Variants in ARMC2 observed in about 807,000 individuals in gnomAD.
The protein encoded by ARMC2 is armadillo repeat-containing protein 2.
ARMC2 carries 67 observed loss-of-function variants against 90.3 expected under a neutral mutation model. The ratio of observed to expected loss-of-function variants is 0.74; its 90% CI spans 0.61 to 0.91. The LOEUF (loss-of-function observed/expected upper bound fraction) is 0.91, where lower values mean the gene tolerates loss of function less well. Ranked by LOEUF, ARMC2 falls within the 40% of genes least tolerant of loss-of-function variation. The pLI is 0.00. For missense variants in ARMC2, 920 were observed against 1,030.9 expected, an observed-to-expected ratio of 0.89 and a Z score of 1.47; for synonymous variants, 393 against 393.0, an observed-to-expected ratio of 1.00 and a Z score of 0.00.
intron 6 of ARMC2, 60 bp downstream of exon 6, chr6:108,894,603 A>G: frequency 6.9e-7 from 1 of 1,441,582 alleles, no homozygotes; most frequent in Non-Finnish European, 9.4e-7. Flanking sequence ...AGATGTTTGC[A>G]CTGAAGATAT....
chr6:108,973,468 A>G lies in ARMC2; in HGVS notation c.2558A>G (p.Gln853Arg). Residue 853 changes from glutamine to arginine, a missense_variant, in exon 18 of 18, where the codon CAG becomes CGG. By Grantham distance (43) the Gln-to-Arg change is conservative (BLOSUM62 1). Transcript: ENST00000392644. ...GCACAGCAGCTTCTAAACCGAATTC[A>G]GAGACATCACACCTTCCTGGAACCC... Reference protein sequence around the residue: ...PVAQQLLNRIQRHHTFLEPLP... With the variant: ...PVAQQLLNRIRRHHTFLEPLP... 7 of 1,613,854 alleles carry G rather than the reference A, an allele frequency of 4.3e-6. No individual in the cohort carries two copies. The highest frequency in any genetic ancestry group is 5.9e-6 in the Non-Finnish European group (7 of 1,179,770).
intron 11 of ARMC2, among the ~76,000 whole-genome samples, chr6:108,928,974 A>AT (rs539715839): frequency 8.0e-4 from 121 of 151,592 alleles, no homozygotes; most frequent in African/African-American, 2.8e-3. Flanking sequence ...TCCAAATCTG[A>AT]TTTTTTTTTA....
chr6:108,897,414 T>C (rs187616136), intron 6 of ARMC2, among the ~76,000 whole-genome samples: 2 of 152,194 alleles, frequency 1.3e-5, no homozygotes, highest in Non-Finnish European at 2.9e-5. Flanking sequence ...GATGGTGAAG[T>C]CTTGCATTGG....
chr6:108,882,000 TTAGATA>T (rs1419436470), intron 5 of ARMC2, among the ~76,000 whole-genome samples: 6 of 152,006 alleles, frequency 3.9e-5, no homozygotes, highest in African/African-American at 1.2e-4. Flanking sequence ...GGACTTGAGC[TTAGATA>T]TATAAGGAAC....
chr6:108,869,224 G>C (rs543212751), intron 4 of ARMC2, among the ~76,000 whole-genome samples: 1 of 152,244 alleles, frequency 6.6e-6, no homozygotes, highest in South Asian at 2.1e-4. Flanking sequence ...ATTAGGATAA[G>C]TGACTGGGCG....
At chr6:108,895,186 G>T (rs1771473505) in intron 6 of ARMC2, among the ~76,000 whole-genome samples, 1 of 151,340 alleles carries the variant, frequency 6.6e-6, no homozygotes, top group South Asian at 2.1e-4. Flanking sequence ...TGCTTGGCTG[G>T]GCATGGTGGC....
chr6:108,860,848 C>T lies in ARMC2; in HGVS notation c.291+2577C>T, dbSNP rs115697693. ...ATTCTCTGTAAAGAAGTATCTTCCA[C>T]GCTGTTTCCTGGATGTTAAAGTCTG... On this transcript the variant is annotated intron_variant, in intron 3 of 17. Coordinates refer to ENST00000392644, the MANE Select transcript of ARMC2 (RefSeq NM_032131.6). 4.1e-3 allele frequency among the ~76,000 whole-genome samples: 628 copies of T among 152,122 alleles called. 2 individuals are homozygous for T. Among genetic ancestry groups the T allele is most frequent in the African/African-American group, 0.014 (583 of 41,486 alleles).
intron 6 of ARMC2, 107 bp downstream of exon 6, chr6:108,894,650 A>C (rs1583037117): frequency 2.1e-6 from 2 of 945,134 alleles, no homozygotes; most frequent in Non-Finnish European, 3.1e-6. Flanking sequence ...AAGTTTGTCC[A>C]ATTTGGTCAC....
the ARMC2 span, among the ~76,000 whole-genome samples, chr6:109,035,865 C>T: frequency 1.3e-5 from 2 of 152,180 alleles, no homozygotes; most frequent in Non-Finnish European, 2.9e-5. Flanking sequence ...GCCTCAGCCT[C>T]CTGAAGTGCT....
intron 11 of ARMC2, among the ~76,000 whole-genome samples, chr6:108,930,425 T>C (rs1212182402): frequency 6.6e-6 from 1 of 152,068 alleles, no homozygotes; most frequent in African/African-American, 2.4e-5. Context: ...TACAAAATTG[T>C]GAGTGTTGAG....
chr6:108,869,567 A>G (rs1178810037), intron 4 of ARMC2, among the ~76,000 whole-genome samples: 1 of 152,258 alleles, frequency 6.6e-6, no homozygotes, highest in Non-Finnish European at 1.5e-5. Context: ...CATGTATATT[A>G]GAAATAAATG....
At chr6:108,935,859 G>GAAT (rs1479946297) in intron 11 of ARMC2, among the ~76,000 whole-genome samples, 6 of 151,354 alleles carry the variant, frequency 4.0e-5, no homozygotes, top group Non-Finnish European at 7.4e-5. Context: ...CAAAAAAAAG[G>GAAT]TTTTTTTAAA....
intron 12 of ARMC2, among the ~76,000 whole-genome samples, chr6:108,940,144 T>G (rs942136452): frequency 5.3e-5 from 8 of 152,192 alleles, no homozygotes; most frequent in Non-Finnish European, 1.0e-4. Context: ...AATTAGCATG[T>G]AGTCCCAGCT....
At chr6:108,939,385 A>T (rs767381454) in intron 12 of ARMC2, among the ~76,000 whole-genome samples, 5 of 151,986 alleles carry the variant, frequency 3.3e-5, no homozygotes, top group Non-Finnish European at 7.4e-5. Context: ...GTTCTCACGG[A>T]TGGGTTAGCA....
At chr6:109,007,645 C>T in the ARMC2 span, among the ~76,000 whole-genome samples, 3 of 151,838 alleles carry the variant, frequency 2.0e-5, no homozygotes, top group South Asian at 2.1e-4. Flanking sequence ...GCTGGCCTTT[C>T]GACATTCAAA....
rs1264473915 is a variant in ARMC2, at chr6:108,910,931, C to G, written c.1056C>G (p.Val352=). The G allele has an allele frequency of 1.3e-5, 21 of 1,577,076 alleles. No individual in the cohort carries two copies. Among genetic ancestry groups the G allele is most frequent in the Non-Finnish European group, 1.5e-5 (17 of 1,160,290 alleles). Residue 352 remains valine (V), a synonymous_variant, in exon 9 of 18, where the codon GTC becomes GTG. Transcript: ENST00000392644. ...TGAGTAGAAAGAATCTTCTTAATGT[C>G]TGCAAACTTATATTTAAAATTAGCA... is the stretch of plus-strand genomic sequence containing the variant. The part of the protein sequence containing the change: ...LKVSRKNLLN[V]CKLIFKISRN...
In ARMC2 at chr6:108,964,859, T is replaced by C. The variant is rs73514378; in HGVS notation, c.2286-121T>C. ...ACTTAAATTTATAGATAAGGAATTATTTTAAGTGATCACTGGATTATACTT... is the reference window on the plus strand; with the variant it reads ...ACTTAAATTTATAGATAAGGAATTACTTTAAGTGATCACTGGATTATACTT... On this transcript the variant is annotated intron_variant, in intron 16 of 17. Coordinates refer to ENST00000392644, the MANE Select transcript of ARMC2 (RefSeq NM_032131.6). The C allele has an allele frequency of 1.3e-3, 962 of 751,652 alleles. 7 individuals are homozygous for C. In the African/African-American group the frequency reaches 0.015, roughly 11 times the overall value. 46.6% of individuals were successfully genotyped at this position (751,652 alleles called of 1,614,324 possible).
intron 3 of ARMC2, among the ~76,000 whole-genome samples, chr6:108,864,235 G>A (rs1562327687): frequency 1.4e-5 from 2 of 144,526 alleles, no homozygotes; most frequent in Admixed American, 7.4e-5. Context: ...CTGTGCTTGT[G>A]TGATTTTTTT....
At chr6:108,956,197 T>C (rs1777570780) in intron 13 of ARMC2, among the ~76,000 whole-genome samples, 1 of 152,204 alleles carries the variant, frequency 6.6e-6, no homozygotes, top group Non-Finnish European at 1.5e-5. Flanking sequence ...CTCAAACACC[T>C]GGACTGGGGG....
Sources: allele counts gnomAD v4.1 joint callset (sites outside exome capture counted in the v4.1 genomes callset), GRCh38; gene constraint gnomAD v4.1.1; transcripts MANE v1.5; gene names NCBI Gene and HGNC (gene_info 2026-07-23, HGNC 2026-07-21).